SLC35F4: variants seen among roughly 807,000 people sequenced by gnomAD.
SLC35F4 encodes the protein solute carrier family 35 member F4, also known as chromosome 14 open reading frame 36.
A neutral mutation model predicts 44.2 loss-of-function variants in SLC35F4; 24 were observed. The ratio of observed to expected loss-of-function variants is 0.54; its 90% CI spans 0.39 to 0.76. SLC35F4 has a LOEUF of 0.76. Among genes scored for constraint, SLC35F4 ranks in the 30% least tolerant of loss-of-function variants. The pLI is 0.00. For missense variants in SLC35F4, 562 were observed against 586.1 expected (o/e 0.96, Z 0.42); for synonymous variants, 238 against 223.6 (o/e 1.06, Z -0.57).
chr14:57,717,104 T>C (rs1308792180), intron 1 of SLC35F4, among the ~76,000 whole-genome samples: 2 of 152,212 alleles, frequency 1.3e-5, no homozygotes, highest in Non-Finnish European at 2.9e-5. Context: ...TATCCTTTTA[T>C]GTAGATGAAC....
At chr14:57,614,804 C>T (rs1226354705) in intron 1 of SLC35F4, among the ~76,000 whole-genome samples, 1 of 152,098 alleles carries the variant, frequency 6.6e-6, no homozygotes, top group Non-Finnish European at 1.5e-5. Flanking sequence ...GTAGATCAGC[C>T]ATGAAGATAG....
intron 4 of SLC35F4, among the ~76,000 whole-genome samples, chr14:57,577,159 A>G (rs1470968704): frequency 6.6e-6 from 1 of 152,194 alleles, no homozygotes; most frequent in African/African-American, 2.4e-5. Context: ...AATTCTTAAT[A>G]TTTAATATCA....
chr14:57,579,450 C>A (rs1180249585), intron 4 of SLC35F4: 1 of 131,314 alleles, frequency 7.6e-6, no homozygotes, highest in African/African-American at 2.5e-5. Context: ...CCTCTTGCAT[C>A]AGTGAGGTCC....
chr14:57,740,272 T>A (rs1453755170), intron 1 of SLC35F4, among the ~76,000 whole-genome samples: 2 of 152,248 alleles, frequency 1.3e-5, no homozygotes. Context: ...CTCAAATCTA[T>A]GATAATTTGT....
intron 1 of SLC35F4, among the ~76,000 whole-genome samples, chr14:57,747,345 A>G (rs1388352420): frequency 1.3e-5 from 2 of 152,220 alleles, no homozygotes; most frequent in Non-Finnish European, 2.9e-5. Context: ...TTGCTGGGTT[A>G]GCCTACCTTT....
Position 57,581,472 on chromosome 14 carries a change from G to C in SLC35F4, c.588-39C>G, listed in dbSNP as rs370415604. ...GAGAAGTTAATATCCAGGTACTGAT[G>C]GTGACACCTCTTGTCTTATCTGACT... On this transcript the variant is annotated intron_variant, in intron 3 of 7. Transcript: ENST00000556826. 5.7e-4 allele frequency: 875 copies of C among 1,542,228 alleles called. 8 individuals carry two copies. The South Asian group carries it at 9.8e-3, about 17-fold the overall frequency.
At position 57,751,932 on chromosome 14, in the gene SLC35F4, C is replaced by G. The variant is rs569237772; in HGVS notation, c.103+113791G>C. 1.9e-3 allele frequency among the ~76,000 whole-genome samples: 279 copies of G among 144,230 alleles called. 2 individuals carry two copies. Among genetic ancestry groups the G allele is most frequent in the African/African-American group, 6.5e-3 (254 of 39,236 alleles). The allele number at this position is 144,230 out of a possible 152,430, so 94.6% of individuals were successfully genotyped here. A position where few individuals can be genotyped will look rare whatever the true frequency, so the allele number is the denominator to read the frequency against. On this transcript the variant is annotated intron_variant, in intron 1 of 7. Transcript: ENST00000556826. The stretch of plus-strand genomic sequence containing the variant: ...AACATTTCTCTCTCTCTCTCTCTCT[C>G]TCTCTGTGTGTGTGTGTGTGTTTGT...
intron 1 of SLC35F4, among the ~76,000 whole-genome samples, chr14:57,707,684 T>C (rs1016811853): frequency 1.3e-5 from 2 of 152,092 alleles, no homozygotes; most frequent in Non-Finnish European, 2.9e-5. Context: ...GGAAGAGACT[T>C]TGGAACTGGG....
At chr14:57,844,948 C>T (rs995526665) in intron 1 of SLC35F4, among the ~76,000 whole-genome samples, 2 of 149,266 alleles carry the variant, frequency 1.3e-5, no homozygotes, top group Non-Finnish European at 3.0e-5. Context: ...CCCACCCCCC[C>T]ATGCACATAC....
At chr14:57,784,510 C>T (rs1595055576) in intron 1 of SLC35F4, among the ~76,000 whole-genome samples, 3 of 152,052 alleles carry the variant, frequency 2.0e-5, no homozygotes, top group Admixed American at 2.0e-4. Flanking sequence ...ATGGTAAGAT[C>T]CTGTCTCTAT....
intron 1 of SLC35F4, among the ~76,000 whole-genome samples, chr14:57,668,334 A>G (rs1364621716): frequency 1.4e-4 from 21 of 151,450 alleles, no homozygotes; most frequent in Non-Finnish European, 1.6e-4. Flanking sequence ...CTTTAGTTTA[A>G]TTAGATTCCA....
At chr14:57,737,310 T>C (rs567435581) in intron 1 of SLC35F4, among the ~76,000 whole-genome samples, 8 of 151,992 alleles carry the variant, frequency 5.3e-5, no homozygotes, top group Non-Finnish European at 1.2e-4. Flanking sequence ...CCCCTATAGA[T>C]CTCTTTTCCT....
chr14:57,835,338 C>T (rs1884812686), intron 1 of SLC35F4, among the ~76,000 whole-genome samples: 1 of 152,204 alleles, frequency 6.6e-6, no homozygotes, highest in African/African-American at 2.4e-5. Flanking sequence ...AATACAGCTA[C>T]TTCTCAACAA....
chr14:57,973,369 C>T (rs1434224396), downstream of SLC35F4, among the ~76,000 whole-genome samples: 1 of 152,144 alleles, frequency 6.6e-6, no homozygotes, highest in Admixed American at 6.5e-5. Context: ...TAGGTTTCCT[C>T]GTCTCAAGAA....
intron 1 of SLC35F4, among the ~76,000 whole-genome samples, chr14:57,753,209 T>C (rs986070761): frequency 6.6e-6 from 1 of 152,188 alleles, no homozygotes; most frequent in Non-Finnish European, 1.5e-5. Flanking sequence ...AGATGGCATG[T>C]ATAATCTTCT....
chr14:57,965,461 C>CT (rs1890422198), intron 1 of SLC35F4, among the ~76,000 whole-genome samples: 2 of 152,204 alleles, frequency 1.3e-5, no homozygotes, highest in African/African-American at 4.8e-5. Flanking sequence ...CATCTGCAAT[C>CT]TTAATTCCCC....
chr14:57,938,078 T>C (rs1889848370), intron 1 of SLC35F4, among the ~76,000 whole-genome samples: 1 of 152,048 alleles, frequency 6.6e-6, no homozygotes, highest in Non-Finnish European at 1.5e-5. Flanking sequence ...ACAGCAAGAA[T>C]ATAGAAGATT....
intron 1 of SLC35F4, among the ~76,000 whole-genome samples, chr14:57,605,593 T>G (rs1349084804): frequency 3.9e-5 from 6 of 152,182 alleles, no homozygotes; most frequent in African/African-American, 1.4e-4. Flanking sequence ...AACCCAGCAA[T>G]TCTACTACTG....
chr14:57,898,488 A>T (rs12590661), intron 1 of SLC35F4, among the ~76,000 whole-genome samples: 5,733 of 152,322 alleles, frequency 0.038, 302 homozygotes, highest in African/African-American at 0.11. Flanking sequence ...CTTTGATCAG[A>T]TCATTACTTG....
Sources: gnomAD v4.1 joint callset for allele counts (sites outside exome capture counted in the v4.1 genomes callset) on GRCh38, gnomAD v4.1.1 for gene constraint, MANE v1.5 for transcripts, NCBI Gene and HGNC (gene_info 2026-07-23, HGNC 2026-07-21) for gene names.